PCBP3: variants seen among roughly 807,000 people sequenced by gnomAD.
The protein encoded by PCBP3 is poly(rC) binding protein 3.
PCBP3 carries 25 observed loss-of-function variants against 52.7 expected under a neutral mutation model. That is an observed-to-expected ratio of 0.47 (90% CI 0.35 to 0.66). The LOEUF is 0.66. Among genes scored for constraint, PCBP3 ranks in the 30% least tolerant of loss-of-function variants. The pLI is 0.01. For missense variants in PCBP3, 391 were observed against 490.3 expected (o/e 0.80, Z 1.91); for synonymous variants, 162 against 183.0 (o/e 0.89, Z 0.93).
At position 45,896,342 on chromosome 21, in the gene PCBP3, C is replaced by T. The variant is rs775103263; in HGVS notation, c.145C>T (p.Arg49Cys). The T allele has an allele frequency of 9.7e-6, 15 of 1,551,874 alleles. No homozygotes were observed. The highest frequency in any genetic ancestry group is 2.4e-5 in the East Asian group (1 of 40,950). The change falls in exon 6 of 18, where the codon CGC (arginine) becomes TGC (cysteine). Residue 49 changes from arginine to cysteine, a missense_variant. Coordinates refer to ENST00000681687, the MANE Select transcript of PCBP3 (RefSeq NM_001384156.1). ...EGGLNVTLTI[R>C]LLMHGKEVGS... ...TGGCCTGAATGTGACCCTCACCATCCGCCTGCTGATGCATGGAAAGGTAAG... is the reference window on the plus strand; with the variant it reads ...TGGCCTGAATGTGACCCTCACCATCTGCCTGCTGATGCATGGAAAGGTAAG...
intron 1 of PCBP3, among the ~76,000 whole-genome samples, chr21:45,655,253 G>C (rs1481801361): frequency 6.6e-6 from 1 of 151,850 alleles, no homozygotes; most frequent in Non-Finnish European, 1.5e-5. Flanking sequence ...CAGTAACTCT[G>C]TTTAACTTTT....
rs2093146005 is a variant in PCBP3, at chr21:45,821,730, G to T, written c.-125-28231G>T. On this transcript the variant is annotated intron_variant, in intron 4 of 17. Coordinates refer to ENST00000681687, the MANE Select transcript of PCBP3 (RefSeq NM_001384156.1). The surrounding 1 kb of genome is among the most constrained non-coding windows in gnomAD (Gnocchi z 4.4). Reference sequence around the variant, plus strand: ...TCCCTGCTCTTGTCACTTCTTGCTGGTGCTCTGTGGCTGTCATGCAGACTG... The same window carrying T: ...TCCCTGCTCTTGTCACTTCTTGCTGTTGCTCTGTGGCTGTCATGCAGACTG... 6.6e-6 allele frequency among the ~76,000 whole-genome samples: 1 copy of T among 152,076 alleles called. No individual in the cohort carries two copies. Among genetic ancestry groups the T allele is most frequent in the Non-Finnish European group, 1.5e-5 (1 of 68,030 alleles).
chr21:45,834,208 G>C (rs1202969232), intron 4 of PCBP3, among the ~76,000 whole-genome samples: 4 of 152,320 alleles, frequency 2.6e-5, no homozygotes, highest in South Asian at 2.1e-4. Context: ...GGCCAAGCAG[G>C]CCTCTCAGGA....
At chr21:45,823,401 T>C (rs1248224819) in intron 4 of PCBP3, among the ~76,000 whole-genome samples, 1 of 152,208 alleles carries the variant, frequency 6.6e-6, no homozygotes, top group African/African-American at 2.4e-5. Context: ...GTTGAGGTGG[T>C]GTCTGGTCTC....
chr21:45,661,508 A>G (rs1243150917), intron 1 of PCBP3, among the ~76,000 whole-genome samples: 1 of 152,174 alleles, frequency 6.6e-6, no homozygotes, highest in Non-Finnish European at 1.5e-5. Context: ...GTGGCTTAGT[A>G]GTATTTTTTG....
chr21:45,738,257 G>GTTT (rs1272471500), intron 3 of PCBP3, among the ~76,000 whole-genome samples: 6 of 139,936 alleles, frequency 4.3e-5, no homozygotes, highest in Admixed American at 7.1e-5. Context: ...GCTTCTTAGA[G>GTTT]TTTTTTTTTT....
chr21:45,878,251 C>T (rs1488744275), intron 5 of PCBP3, among the ~76,000 whole-genome samples: 1 of 152,246 alleles, frequency 6.6e-6, no homozygotes, highest in East Asian at 1.9e-4. Flanking sequence ...AATGAAGGGG[C>T]CCTCCCAGGG....
At chr21:45,653,937 A>C (rs1046831523) in intron 1 of PCBP3, among the ~76,000 whole-genome samples, 35 of 152,154 alleles carry the variant, frequency 2.3e-4, no homozygotes, top group African/African-American at 7.7e-4. Flanking sequence ...AATTGTTACT[A>C]ACTTATCCAG....
intron 2 of PCBP3, among the ~76,000 whole-genome samples, chr21:45,690,171 T>C (rs1050714494): frequency 8.5e-5 from 13 of 152,156 alleles, no homozygotes; most frequent in African/African-American, 3.1e-4. Flanking sequence ...AGTCTAAAAA[T>C]AGACCCAAGC....
chr21:45,771,029 A>T (rs543573916), intron 4 of PCBP3, among the ~76,000 whole-genome samples: 1 of 152,352 alleles, frequency 6.6e-6, no homozygotes, highest in South Asian at 2.1e-4. Flanking sequence ...GAGTGTAAAC[A>T]TGTGTGCCTG....
intron 4 of PCBP3, among the ~76,000 whole-genome samples, chr21:45,758,288 T>A (rs973716391): frequency 2.0e-5 from 3 of 151,266 alleles, no homozygotes; most frequent in Non-Finnish European, 3.0e-5. Flanking sequence ...ATTTTGACTA[T>A]TTTTTTTTGT....
chr21:45,893,407 G>A (rs1003151880), intron 5 of PCBP3, among the ~76,000 whole-genome samples: 1 of 151,910 alleles, frequency 6.6e-6, no homozygotes, highest in African/African-American at 2.4e-5. Flanking sequence ...TGCATGGGAT[G>A]GGGTGGGTCA....
intron 13 of PCBP3, among the ~76,000 whole-genome samples, chr21:45,921,643 C>T (rs1452683024): frequency 1.3e-5 from 2 of 152,002 alleles, no homozygotes; most frequent in African/African-American, 4.8e-5. Flanking sequence ...TGGCGAGACC[C>T]CGTCTCTACC....
chr21:45,854,886 G>T (rs2094208693), intron 5 of PCBP3, among the ~76,000 whole-genome samples: 1 of 152,226 alleles, frequency 6.6e-6, no homozygotes, highest in South Asian at 2.1e-4. Context: ...AGTGGTCTGA[G>T]AAGTAAGTAG....
rs148024545 is a variant in PCBP3, at chr21:45,840,739, T to C, written c.-125-9222T>C. Among the ~76,000 whole-genome samples, 461 of 152,218 alleles carry C rather than the reference T, an allele frequency of 3.0e-3. 1 individual carries two copies. Among genetic ancestry groups the C allele is most frequent in the African/African-American group, 0.01 (434 of 41,538 alleles). ...CCTGAGCTCAAGTGGTCTTCCCACC[T>C]TAGCTTCCTGAATAGCTGGCATGTG... On this transcript the variant is annotated intron_variant, in intron 4 of 17. Coordinates refer to ENST00000681687, the MANE Select transcript of PCBP3 (RefSeq NM_001384156.1).
intron 2 of PCBP3, among the ~76,000 whole-genome samples, chr21:45,672,083 A>G (rs1018324739): frequency 1.3e-5 from 2 of 152,162 alleles, no homozygotes; most frequent in East Asian, 1.9e-4. Context: ...TAATCTATTC[A>G]TGGGTTAATG....
intron 2 of PCBP3, among the ~76,000 whole-genome samples, chr21:45,721,874 CAG>C (rs142618481): frequency 0.035 from 5,312 of 152,296 alleles, 95 homozygotes; most frequent in Non-Finnish European, 0.044. Context: ...CAAGAAATCA[CAG>C]AAACTGGAGT....
At chr21:45,698,311 T>C (rs969790243) in intron 2 of PCBP3, among the ~76,000 whole-genome samples, 11 of 152,206 alleles carry the variant, frequency 7.2e-5, no homozygotes, top group Admixed American at 5.2e-4. Flanking sequence ...TACCTGACAC[T>C]GTATGGCATT....
rs1181764560 is a variant in PCBP3, at chr21:45,724,470, G to A, written c.-199-10922G>A. ...CGGGGCAGCCCCAGAAGCCAACACTGCATGTTGGAAGGAGTCCCAGCCCTG... is the reference window on the plus strand; with the variant it reads ...CGGGGCAGCCCCAGAAGCCAACACTACATGTTGGAAGGAGTCCCAGCCCTG... On this transcript the variant is annotated intron_variant, in intron 2 of 17. Coordinates refer to ENST00000681687, the MANE Select transcript of PCBP3 (RefSeq NM_001384156.1). The surrounding 1 kb of genome is among the most constrained non-coding windows in gnomAD (Gnocchi z 5.3). Among the ~76,000 whole-genome samples, 3 of 152,164 alleles carry A rather than the reference G, an allele frequency of 2.0e-5. No individual in the cohort carries two copies. Among genetic ancestry groups the A allele is most frequent in the African/African-American group, 4.8e-5 (2 of 41,446 alleles).
Sources: allele counts gnomAD v4.1 joint callset (sites outside exome capture counted in the v4.1 genomes callset), GRCh38; gene constraint gnomAD v4.1.1; non-coding constraint Gnocchi (gnomAD v3.1); transcripts MANE v1.5; gene names NCBI Gene and HGNC (gene_info 2026-07-23, HGNC 2026-07-21).